The following PPP2R2C variants were observed in gnomAD, a reference collection of about 807,000 sequenced individuals.
PPP2R2C encodes the protein protein phosphatase 2, regulatory subunit B, gamma.
Under a neutral mutation model 45.3 loss-of-function variants are expected in PPP2R2C, and 10 were observed. The ratio of observed to expected loss-of-function variants is 0.22; its 90% confidence interval spans 0.14 to 0.37. The LOEUF (loss-of-function observed/expected upper bound fraction) is 0.37, where lower values mean the gene tolerates loss of function less well. PPP2R2C is among the 10% of genes least tolerant of loss of function. The pLI is 1.00. For missense variants in PPP2R2C, 308 were observed against 619.7 expected, an observed-to-expected ratio of 0.50 and a Z score of 5.34; for synonymous variants, 257 against 245.4, an observed-to-expected ratio of 1.05 and a Z score of -0.44.
intron 1 of PPP2R2C, among the ~76,000 whole-genome samples, chr4:6,418,325 C>T (rs1718731343): frequency 6.6e-6 from 1 of 152,138 alleles, no homozygotes; most frequent in Non-Finnish European, 1.5e-5. Context: ...CCCTAACAGG[C>T]AGGACTTGCT....
intron 1 of PPP2R2C, chr4:6,414,161 T>G: frequency 1.8e-4 from 173 of 966,444 alleles, no homozygotes; most frequent in Middle Eastern, 3.5e-4. Context: ...AAATACGGCC[T>G]AGTATGCCTT....
At chr4:6,380,528 TG>T (rs34821140) in intron 2 of PPP2R2C, 5,305 of 158,104 alleles carry the variant, frequency 0.034, 106 homozygotes, top group Middle Eastern at 0.084. Flanking sequence ...CTCCCCAGTC[TG>T]GCCAGGACAA....
chr4:6,454,800 C>T (rs1244669562), intron 1 of PPP2R2C, among the ~76,000 whole-genome samples: 4 of 152,196 alleles, frequency 2.6e-5, no homozygotes, highest in Admixed American at 6.5e-5. Context: ...TGTGCAAACG[C>T]GATGTCATTC....
intron 1 of PPP2R2C, among the ~76,000 whole-genome samples, chr4:6,417,806 A>T: frequency 6.6e-6 from 1 of 152,238 alleles, no homozygotes; most frequent in East Asian, 1.9e-4. Context: ...GCCCTCGTCC[A>T]CAGCTCATTC....
intron 2 of PPP2R2C, among the ~76,000 whole-genome samples, chr4:6,494,224 A>G (rs574405984): frequency 6.6e-6 from 1 of 152,286 alleles, no homozygotes; most frequent in East Asian, 1.9e-4. Flanking sequence ...CCAGCCCTGC[A>G]GTATCTAGAA....
intron 2 of PPP2R2C, among the ~76,000 whole-genome samples, chr4:6,510,421 A>T (rs768311760): frequency 3.3e-5 from 5 of 152,034 alleles, no homozygotes; most frequent in Non-Finnish European, 7.4e-5. Flanking sequence ...CCAGCCTCAA[A>T]TGGCCTTTCT....
chr4:6,535,478 G>A (rs550457257), intron 1 of PPP2R2C: 104 of 780,666 alleles, frequency 1.3e-4, no homozygotes, highest in Middle Eastern at 9.5e-4. Context: ...ACCCACGGCC[G>A]CCCTGGCCGC....
chr4:6,348,810 T>C (rs1219696551), intron 5 of PPP2R2C: 1 of 702,022 alleles, frequency 1.4e-6, no homozygotes, highest in East Asian at 1.3e-4. Context: ...ATTGGAATCC[T>C]GGATCAAGCT....
chr4:6,416,701 C>T (rs1718608635), intron 1 of PPP2R2C, among the ~76,000 whole-genome samples: 1 of 152,226 alleles, frequency 6.6e-6, no homozygotes, highest in Non-Finnish European at 1.5e-5. Flanking sequence ...AGCCCGGGAC[C>T]ACAGATGCCA....
At chr4:6,372,502 C>G (rs749947551) in intron 5 of PPP2R2C, 21 bp downstream of exon 5, 1 of 1,541,226 alleles carries the variant, frequency 6.5e-7, no homozygotes, top group Non-Finnish European at 8.8e-7. Context: ...GAGGCACTGG[C>G]CAGGCCACAG....
chr4:6,453,201 G>A (rs1438969173), intron 1 of PPP2R2C, among the ~76,000 whole-genome samples: 1 of 152,178 alleles, frequency 6.6e-6, no homozygotes, highest in African/African-American at 2.4e-5. Context: ...CTGGCTTAGA[G>A]CTGGAGATAC....
intron 1 of PPP2R2C, among the ~76,000 whole-genome samples, chr4:6,411,615 C>T (rs1718206294): frequency 6.7e-6 from 1 of 150,084 alleles, no homozygotes; most frequent in Admixed American, 6.7e-5. Flanking sequence ...TGCAGTGGCG[C>T]AATCTCAGCT....
At chr4:6,406,092 C>G (rs1188152023) in intron 1 of PPP2R2C, among the ~76,000 whole-genome samples, 2 of 152,180 alleles carry the variant, frequency 1.3e-5, no homozygotes, top group African/African-American at 2.4e-5. Flanking sequence ...GAGCCTCACC[C>G]TATTCGGAGC....
At chr4:6,550,344 G>A (rs2108839319) in intron 1 of PPP2R2C, among the ~76,000 whole-genome samples, 1 of 151,768 alleles carries the variant, frequency 6.6e-6, no homozygotes, top group East Asian at 1.9e-4. Context: ...CAGCACATGA[G>A]ACCCTTGCCA....
intron 1 of PPP2R2C, among the ~76,000 whole-genome samples, chr4:6,547,216 T>TCACGCCCTTA (rs1181862601): frequency 1.3e-5 from 2 of 152,138 alleles, no homozygotes; most frequent in African/African-American, 2.4e-5. Flanking sequence ...TAAAGTAAAA[T>TCACGCCCTTA]CACGCCCTTA....
chr4:6,349,189 G>A (rs1343773697), intron 5 of PPP2R2C: 3 of 985,130 alleles, frequency 3.0e-6, no homozygotes, highest in African/African-American at 3.5e-5. Flanking sequence ...AATGACCTCA[G>A]GCTCCGGTCT....
At chr4:6,482,108 G>T (rs1722374339) in intron 2 of PPP2R2C, among the ~76,000 whole-genome samples, 1 of 151,840 alleles carries the variant, frequency 6.6e-6, no homozygotes, top group African/African-American at 2.4e-5. Flanking sequence ...CCCATCAATG[G>T]ATATGGTCTA....
chr4:6,538,861 C>T (rs76537271), intron 1 of PPP2R2C, among the ~76,000 whole-genome samples: 2,054 of 152,270 alleles, frequency 0.013, 52 homozygotes, highest in African/African-American at 0.047. Context: ...GGGACCTTGT[C>T]GGTGTATCAC....
At chr4:6,391,310 T>C (rs780903373) in intron 1 of PPP2R2C, among the ~76,000 whole-genome samples, 1 of 151,950 alleles carries the variant, frequency 6.6e-6, no homozygotes, top group African/African-American at 2.4e-5. Flanking sequence ...GACCTCTCCC[T>C]CCTCCCTACC....
Sources: gnomAD v4.1 joint callset for allele counts (sites outside exome capture counted in the v4.1 genomes callset) on GRCh38, gnomAD v4.1.1 for gene constraint, MANE v1.5 for transcripts, NCBI Gene and HGNC (gene_info 2026-07-23, HGNC 2026-07-21) for gene names.